The following GMDS variants were observed in gnomAD, a reference collection of about 807,000 sequenced individuals.
GMDS encodes GDP-mannose 4,6 dehydratase.
Under a neutral mutation model 49.9 loss-of-function variants are expected in GMDS, and 20 were observed. The observed-to-expected ratio is 0.40, with a 90% CI of 0.28 to 0.58. The LOEUF (loss-of-function observed/expected upper bound fraction) is 0.58, where lower values mean the gene tolerates loss of function less well. GMDS is among the 20% of genes least tolerant of loss of function. GMDS has a pLI of 0.42. For synonymous variants in GMDS, 177 were observed against 178.6 expected (o/e 0.99, Z 0.07); for missense variants, 362 against 481.4 (o/e 0.75, Z 2.32).
chr6:2,128,291 G>A (rs531771033), intron 1 of GMDS, among the ~76,000 whole-genome samples: 3 of 151,378 alleles, frequency 2.0e-5, no homozygotes, highest in East Asian at 1.9e-4. Context: ...TCTCCTGCCT[G>A]AGCCTCCTGA....
At chr6:1,936,090 C>A (rs961616224) in intron 6 of GMDS, among the ~76,000 whole-genome samples, 1 of 152,142 alleles carries the variant, frequency 6.6e-6, no homozygotes, top group African/African-American at 2.4e-5. Flanking sequence ...TTACTAGAAC[C>A]GTGTCTAACA....
intron 4 of GMDS, among the ~76,000 whole-genome samples, chr6:2,083,528 T>A (rs1772836948): frequency 6.6e-6 from 1 of 152,158 alleles, no homozygotes; most frequent in African/African-American, 2.4e-5. Context: ...ATCATTCAAA[T>A]GAAAATGCCA....
At chr6:1,817,831 A>G (rs554259207) in intron 7 of GMDS, among the ~76,000 whole-genome samples, 13 of 152,218 alleles carry the variant, frequency 8.5e-5, no homozygotes, top group Non-Finnish European at 1.6e-4. Context: ...CCTGGTTAAC[A>G]GCAGGAAAAG....
intron 6 of GMDS, among the ~76,000 whole-genome samples, chr6:1,954,841 A>C (rs1277240307): frequency 1.3e-5 from 2 of 152,102 alleles, no homozygotes; most frequent in Non-Finnish European, 2.9e-5. Context: ...GTCTCAGGGA[A>C]CGGGGCGGCG....
intron 7 of GMDS, among the ~76,000 whole-genome samples, chr6:1,929,375 A>G (rs1008102865): frequency 6.6e-6 from 1 of 152,214 alleles, no homozygotes; most frequent in Admixed American, 6.5e-5. Flanking sequence ...CAGAACCAAC[A>G]TGGATATTTA....
At chr6:2,021,341 C>A (rs988489358) in intron 4 of GMDS, among the ~76,000 whole-genome samples, 3 of 152,080 alleles carry the variant, frequency 2.0e-5, no homozygotes, top group African/African-American at 7.2e-5. Context: ...TGGATAGTCA[C>A]CTGATTCTGA....
intron 9 of GMDS, among the ~76,000 whole-genome samples, chr6:1,660,378 T>G (rs1323018518): frequency 6.6e-6 from 1 of 152,070 alleles, no homozygotes; most frequent in African/African-American, 2.4e-5. Context: ...TTTAGTGTCT[T>G]TAGGTTGACA....
At chr6:1,822,157 C>A (rs1159694325) in intron 7 of GMDS, among the ~76,000 whole-genome samples, 6 of 152,184 alleles carry the variant, frequency 3.9e-5, no homozygotes, top group African/African-American at 1.2e-4. Context: ...TGGTACCACA[C>A]GTCACCAAGC....
chr6:1,692,677 C>T (rs868861563), intron 9 of GMDS, among the ~76,000 whole-genome samples: 48 of 152,260 alleles, frequency 3.2e-4, no homozygotes, highest in South Asian at 8.3e-4. Context: ...ATGTCTAATA[C>T]GCCATTAATT....
intron 7 of GMDS, among the ~76,000 whole-genome samples, chr6:1,818,242 A>C (rs1459551504): frequency 6.6e-6 from 1 of 152,238 alleles, no homozygotes; most frequent in Non-Finnish European, 1.5e-5. Context: ...GACATAGTTA[A>C]TGCATTTTTA....
intron 9 of GMDS, among the ~76,000 whole-genome samples, chr6:1,673,075 C>T (rs1386209410): frequency 6.6e-6 from 1 of 152,240 alleles, no homozygotes; most frequent in Non-Finnish European, 1.5e-5. Flanking sequence ...AGCAGGCCCA[C>T]CAGTGGCTTG....
At chr6:1,780,093 A>T (rs1329180691) in intron 7 of GMDS, among the ~76,000 whole-genome samples, 1 of 152,232 alleles carries the variant, frequency 6.6e-6, no homozygotes, top group African/African-American at 2.4e-5. Flanking sequence ...CAAATCGAAA[A>T]AGAGCGAAGT....
chr6:1,810,329 C>T (rs575726442), intron 7 of GMDS, among the ~76,000 whole-genome samples: 13 of 152,122 alleles, frequency 8.5e-5, no homozygotes, highest in African/African-American at 2.4e-4. Context: ...AGTCTTGCTC[C>T]GTCACCCAGG....
At position 1,652,713 on chromosome 6, in the gene GMDS, T is replaced by TAG. The variant is rs1448314351; in HGVS notation, c.988-28174_988-28173insCT. ...ATATAATATATTATATATATATATATATATATAGAGAGAGAGAGAGAGAGA... is the reference window on the plus strand; with the variant it reads ...ATATAATATATTATATATATATATATAGATATATAGAGAGAGAGAGAGAGAGA... On this transcript the variant is annotated intron_variant, in intron 9 of 10. Transcript: ENST00000380815. 5.6e-4 allele frequency among the ~76,000 whole-genome samples: 12 copies of TAG among 21,434 alleles called. 4 individuals are homozygous for TAG. Among genetic ancestry groups the TAG allele is most frequent in the African/African-American group, 1.5e-3 (10 of 6,586 alleles). 14.1% of individuals were successfully genotyped at this position (21,434 alleles called of 152,430 possible).
chr6:2,166,619 A>G lies in GMDS; in HGVS notation c.103-41888T>C, dbSNP rs1263984236. Among the ~76,000 whole-genome samples the G allele has an allele frequency of 2.0e-5, 3 of 152,224 alleles. No individual in the cohort carries two copies. The East Asian group carries it at 5.8e-4, about 29-fold the overall frequency. ...TCTTAGATTCTTCATCTGGAATGGC[A>G]GAGTAAGAAGATTTATGTGAAGAAA... On this transcript the variant is annotated intron_variant, in intron 1 of 10. Coordinates refer to ENST00000380815, the MANE Select transcript of GMDS (RefSeq NM_001500.4).
chr6:1,715,883 G>A (rs936517251), intron 9 of GMDS, among the ~76,000 whole-genome samples: 4 of 152,120 alleles, frequency 2.6e-5, no homozygotes, highest in African/African-American at 9.7e-5. Flanking sequence ...AAACAAATAC[G>A]TCTTATTAAC....
intron 7 of GMDS, among the ~76,000 whole-genome samples, chr6:1,789,194 C>T (rs1364851829): frequency 6.6e-6 from 1 of 152,248 alleles, no homozygotes; most frequent in Non-Finnish European, 1.5e-5. Flanking sequence ...TGCATCACCC[C>T]CTTATTACAT....
intron 6 of GMDS, among the ~76,000 whole-genome samples, chr6:1,948,573 C>G (rs1763194716): frequency 6.6e-6 from 1 of 152,214 alleles, no homozygotes; most frequent in East Asian, 1.9e-4. Context: ...AGGAGGATCT[C>G]TCGAGCCCAG....
intron 4 of GMDS, among the ~76,000 whole-genome samples, chr6:2,055,753 G>A (rs79257678): frequency 0.013 from 1,922 of 152,170 alleles, 45 homozygotes; most frequent in African/African-American, 0.044. Flanking sequence ...TAGCACAGTG[G>A]TTATTAGGCT....
Sources: allele counts gnomAD v4.1 joint callset (sites outside exome capture counted in the v4.1 genomes callset), GRCh38; gene constraint gnomAD v4.1.1; transcripts MANE v1.5; gene names NCBI Gene and HGNC (gene_info 2026-07-23, HGNC 2026-07-21).